CDH13: variants seen among roughly 807,000 people sequenced by gnomAD.
The protein encoded by CDH13 is cadherin-13.
A neutral mutation model predicts 63.8 loss-of-function variants in CDH13; 24 were observed. The observed-to-expected ratio is 0.38, with a 90% CI of 0.27 to 0.53. The LOEUF is 0.53. CDH13 is among the 20% of genes least tolerant of loss of function. The pLI is 0.85. For missense variants in CDH13, 1,049 were observed against 903.1 expected (o/e 1.16, Z -2.07); for synonymous variants, 503 against 355.3 (o/e 1.42, Z -4.67).
At chr16:83,291,333 G>A (rs55898723) in intron 5 of CDH13, among the ~76,000 whole-genome samples, 6 of 152,068 alleles carry the variant, frequency 3.9e-5, no homozygotes, top group African/African-American at 4.8e-5. Flanking sequence ...GAGAATTGTC[G>A]CTTTTCTCAT....
At chr16:83,326,620 G>A (rs1381324022) in intron 5 of CDH13, among the ~76,000 whole-genome samples, 5 of 152,010 alleles carry the variant, frequency 3.3e-5, no homozygotes, top group Non-Finnish European at 7.4e-5. Context: ...TGCTTGCTGT[G>A]CCCTTTGCTG....
intron 8 of CDH13, among the ~76,000 whole-genome samples, chr16:83,619,040 G>A (rs1275149186): frequency 6.6e-6 from 1 of 152,196 alleles, no homozygotes; most frequent in Non-Finnish European, 1.5e-5. Flanking sequence ...AGGATTTTAT[G>A]AGAAGCGTCA....
At chr16:83,008,148 C>T (rs926913140) in intron 2 of CDH13, among the ~76,000 whole-genome samples, 3 of 151,990 alleles carry the variant, frequency 2.0e-5, no homozygotes, top group South Asian at 4.2e-4. Context: ...CTTACATTCT[C>T]GTGAAAGAGG....
At chr16:83,743,242 C>T (rs1912228612) in intron 10 of CDH13, among the ~76,000 whole-genome samples, 1 of 152,022 alleles carries the variant, frequency 6.6e-6, no homozygotes. Flanking sequence ...CAGAGGGGAG[C>T]AGAAAGAGTC....
At chr16:83,291,532 T>A (rs2089466402) in intron 5 of CDH13, among the ~76,000 whole-genome samples, 1 of 152,058 alleles carries the variant, frequency 6.6e-6, no homozygotes, top group Non-Finnish European at 1.5e-5. Flanking sequence ...CAGAATAGCA[T>A]TTGCGTTTTC....
chr16:82,784,438 A>G (rs1199231316), intron 1 of CDH13, among the ~76,000 whole-genome samples: 2 of 152,132 alleles, frequency 1.3e-5, no homozygotes. Flanking sequence ...TACAGGAAGA[A>G]GGGACAGCGA....
chr16:82,900,675 G>A (rs2151241799), intron 2 of CDH13, among the ~76,000 whole-genome samples: 1 of 152,332 alleles, frequency 6.6e-6, no homozygotes, highest in East Asian at 1.9e-4. Context: ...ACGTCCCCGA[G>A]GAGACGGGAG....
intron 2 of CDH13, among the ~76,000 whole-genome samples, chr16:83,021,636 T>C (rs1002110245): frequency 1.3e-5 from 2 of 152,204 alleles, no homozygotes; most frequent in African/African-American, 4.8e-5. Context: ...GCTGACATGA[T>C]AGAATTGAAA....
intron 7 of CDH13, among the ~76,000 whole-genome samples, chr16:83,532,263 C>T (rs944566085): frequency 6.6e-6 from 1 of 152,140 alleles, no homozygotes; most frequent in East Asian, 1.9e-4. Flanking sequence ...CAGACTAGTA[C>T]AAGCTCATAC....
chr16:83,630,019 C>G (rs937095146), intron 8 of CDH13, among the ~76,000 whole-genome samples: 3 of 152,218 alleles, frequency 2.0e-5, no homozygotes, highest in Non-Finnish European at 4.4e-5. Flanking sequence ...CCCACATGAC[C>G]TGTCATCTGA....
chr16:82,949,808 A>G lies in CDH13; in HGVS notation c.158-82202A>G, dbSNP rs550756002. Among the ~76,000 whole-genome samples the G allele has an allele frequency of 8.5e-5, 13 of 152,210 alleles. No individual in the cohort carries two copies. The East Asian group carries it at 2.5e-3, about 30-fold the overall frequency. ...TTACAGCCTCTTTGTGTTAATTATAAGTTGCTTTGCTTTACAGACTCAAAA... is the reference window on the plus strand; with the variant it reads ...TTACAGCCTCTTTGTGTTAATTATAGGTTGCTTTGCTTTACAGACTCAAAA... On this transcript the variant is annotated intron_variant, in intron 2 of 13. Coordinates refer to ENST00000567109, the MANE Select transcript of CDH13 (RefSeq NM_001257.5).
rs576029174 is a variant in CDH13, at chr16:82,659,427, C to T, written c.45+32290C>T. 1.0e-3 allele frequency among the ~76,000 whole-genome samples: 154 copies of T among 152,336 alleles called. 2 individuals carry two copies. Among genetic ancestry groups the T allele is most frequent in the African/African-American group, 3.5e-3 (145 of 41,578 alleles). ...ACGGGACTCTGGTTGAGTCTAGGCA[C>T]TGTCTGCATGTACTTGGCACATTCC... On this transcript the variant is annotated intron_variant, in intron 1 of 13. Coordinates refer to ENST00000567109, the MANE Select transcript of CDH13 (RefSeq NM_001257.5).
intron 2 of CDH13, among the ~76,000 whole-genome samples, chr16:82,874,502 C>G (rs1218842590): frequency 6.6e-6 from 1 of 151,692 alleles, no homozygotes; most frequent in Non-Finnish European, 1.5e-5. Context: ...CATTTGAAGC[C>G]AAAACGATTG....
At chr16:82,636,049 C>G (rs912281601) in intron 1 of CDH13, among the ~76,000 whole-genome samples, 1 of 152,106 alleles carries the variant, frequency 6.6e-6, no homozygotes, top group African/African-American at 2.4e-5. Context: ...TATAAATTAC[C>G]CAGTCCCAGG....
At chr16:83,258,556 T>A (rs1436429017) in intron 5 of CDH13, among the ~76,000 whole-genome samples, 2 of 152,194 alleles carry the variant, frequency 1.3e-5, no homozygotes, top group African/African-American at 2.4e-5. Flanking sequence ...CTGTCTGATA[T>A]GTGGCTTTTT....
At chr16:82,809,396 G>T (rs904781811) in intron 1 of CDH13, among the ~76,000 whole-genome samples, 1 of 151,958 alleles carries the variant, frequency 6.6e-6, no homozygotes, top group Admixed American at 6.6e-5. Flanking sequence ...GTTTCTTCCT[G>T]AAGAGGATGC....
intron 5 of CDH13, among the ~76,000 whole-genome samples, chr16:83,267,564 T>C (rs941838256): frequency 6.6e-6 from 1 of 152,162 alleles, no homozygotes; most frequent in Non-Finnish European, 1.5e-5. Context: ...TCCACCCTCA[T>C]GAATAGATGA....
intron 2 of CDH13, among the ~76,000 whole-genome samples, chr16:82,961,007 G>A (rs111783836): frequency 6.6e-5 from 10 of 152,246 alleles, no homozygotes; most frequent in South Asian, 2.1e-4. Flanking sequence ...CCTTGGCAAC[G>A]TCTCCTGTGA....
At chr16:82,946,054 C>T (rs1273783744) in intron 2 of CDH13, among the ~76,000 whole-genome samples, 1 of 152,072 alleles carries the variant, frequency 6.6e-6, no homozygotes, top group East Asian at 1.9e-4. Flanking sequence ...TTATATTTCT[C>T]TTTCCCCTGA....
Sources: allele counts gnomAD v4.1 joint callset (sites outside exome capture counted in the v4.1 genomes callset), GRCh38; gene constraint gnomAD v4.1.1; transcripts MANE v1.5; gene names NCBI Gene and HGNC (gene_info 2026-07-23, HGNC 2026-07-21).